RALGPS1: variants seen among roughly 807,000 people sequenced by gnomAD.
RALGPS1 encodes the protein Ral GEF with PH domain and SH3 binding motif 1.
In RALGPS1, 19 loss-of-function variants were observed where a neutral mutation model predicts 78.8. The observed-to-expected ratio is 0.24, with a 90% CI of 0.17 to 0.35. The LOEUF (loss-of-function observed/expected upper bound fraction) is 0.35. Ranked by LOEUF, RALGPS1 falls within the 10% of genes least tolerant of loss-of-function variation. The pLI, the probability that RALGPS1 is intolerant of heterozygous loss-of-function variation, is 1.00. For missense variants in RALGPS1, 454 were observed against 688.3 expected, an observed-to-expected ratio of 0.66 and a Z score of 3.81; for synonymous variants, 228 against 256.3, an observed-to-expected ratio of 0.89 and a Z score of 1.06.
At chr9:127,063,065 C>T (rs2049359893) in intron 7 of RALGPS1, among the ~76,000 whole-genome samples, 1 of 152,178 alleles carries the variant, frequency 6.6e-6, no homozygotes, top group Non-Finnish European at 1.5e-5. Context: ...GAGCAACAGT[C>T]TCTTTGCTAA....
Position 127,011,246 on chromosome 9 carries a change from C to T in RALGPS1, c.217-23185C>T, listed in dbSNP as rs1037949036. On this transcript the variant is annotated intron_variant, in intron 4 of 18. Transcript: ENST00000259351. ...AGGCTGGAGTGCAGTGGCGTGACCT[C>T]GGCTCACTGCAACCTCTGGCTCCTG... Among the ~76,000 whole-genome samples the T allele has an allele frequency of 3.9e-5, 6 of 152,120 alleles. No individual in the cohort carries two copies. The South Asian group carries it at 8.3e-4, about 21-fold the overall frequency.
rs1413481343 is a variant in RALGPS1, at chr9:127,091,422, C to A, written c.610+22066C>A. On this transcript the variant is annotated intron_variant, in intron 8 of 18. Coordinates refer to ENST00000259351, the MANE Select transcript of RALGPS1 (RefSeq NM_014636.3). This position sits in a 1 kb window ranked among gnomAD's most constrained non-coding sequence, Gnocchi z 4.3. ...GCCCTGGTACGTGTGATTTGTATACCTCTTTATGTCTCGCCCCATCCCATT... is the reference window on the plus strand; with the variant it reads ...GCCCTGGTACGTGTGATTTGTATACATCTTTATGTCTCGCCCCATCCCATT... 6.6e-6 allele frequency among the ~76,000 whole-genome samples: 1 copy of A among 152,198 alleles called. No individual in the cohort carries two copies. Among genetic ancestry groups the A allele is most frequent in the Non-Finnish European group, 1.5e-5 (1 of 68,030 alleles).
intron 4 of RALGPS1, among the ~76,000 whole-genome samples, chr9:126,993,425 T>G (rs2042445680): frequency 6.6e-6 from 1 of 152,202 alleles, no homozygotes. Flanking sequence ...TCCTTCCTTT[T>G]CAATTTTCAA....
Position 127,154,237 on chromosome 9 carries a change from G to A in RALGPS1, c.611-11832G>A, listed in dbSNP as rs539835225. On this transcript the variant is annotated intron_variant, in intron 8 of 18. Transcript: ENST00000259351. ...GACCAGGGCGTTAGGGCTGCAAGAG[G>A]CAGGGCTGCTGCTGGGCCAGCTGGA... 4.2e-4 allele frequency among the ~76,000 whole-genome samples: 63 copies of A among 148,508 alleles called. 1 individual carries two copies. In the South Asian group the frequency reaches 0.014, roughly 33 times the overall value.
chr9:127,160,207 T>C (rs2058942483), intron 8 of RALGPS1, among the ~76,000 whole-genome samples: 1 of 151,980 alleles, frequency 6.6e-6, no homozygotes, highest in Non-Finnish European at 1.5e-5. Context: ...GGCCATCGAG[T>C]ATGGGTGTCC....
chr9:127,212,864 C>T lies in RALGPS1; in HGVS notation c.1447-80C>T. On this transcript the variant is annotated intron_variant, in intron 16 of 18. Transcript: ENST00000259351. The surrounding 1 kb of genome is among the most constrained non-coding windows in gnomAD (Gnocchi z 6.0). ...GAAGGCGGCAGGGGAGGGAGGAAGC[C>T]TTGCCTGGCCCACGTCGGCCTCCCT... The T allele has an allele frequency of 1.2e-6, 2 of 1,601,310 alleles. No individual in the cohort carries two copies. Among genetic ancestry groups the T allele is most frequent in the East Asian group, 4.5e-5 (2 of 44,332 alleles).
intron 8 of RALGPS1, among the ~76,000 whole-genome samples, chr9:127,104,914 G>A (rs930005142): frequency 4.6e-5 from 7 of 152,228 alleles, no homozygotes; most frequent in Non-Finnish European, 1.5e-5. Context: ...TGTCTTCCAG[G>A]ATAAGAACCT....
rs187014539 is a variant in RALGPS1 at position 127,146,501 on chromosome 9, T to G, written c.611-19568T>G. 2.4e-3 allele frequency among the ~76,000 whole-genome samples: 360 copies of G among 152,162 alleles called. 3 individuals carry two copies. The highest frequency in any genetic ancestry group is 8.3e-3 in the African/African-American group (343 of 41,508). ...ACCTGGGTTGATTCCATGTTTTTGC[T>G]ATTGTGAATAGCGCAGTGATGAACA... On this transcript the variant is annotated intron_variant, in intron 8 of 18. Transcript: ENST00000259351.
chr9:127,129,823 G>A (rs1401176049), intron 8 of RALGPS1, among the ~76,000 whole-genome samples: 2 of 152,174 alleles, frequency 1.3e-5, no homozygotes, highest in Non-Finnish European at 2.9e-5. Flanking sequence ...TCCCTGGGCT[G>A]GGCTGGGTAA....
chr9:127,013,309 G>C (rs1164834046), intron 4 of RALGPS1, among the ~76,000 whole-genome samples: 1 of 152,182 alleles, frequency 6.6e-6, no homozygotes, highest in Non-Finnish European at 1.5e-5. Flanking sequence ...TTTGGGAGCT[G>C]TGCTTCCTTC....
At chr9:127,148,696 G>A (rs529508800) in intron 8 of RALGPS1, among the ~76,000 whole-genome samples, 1 of 152,300 alleles carries the variant, frequency 6.6e-6, no homozygotes, top group Non-Finnish European at 1.5e-5. Context: ...CCAGAGAGTA[G>A]GGAGGGCTCC....
chr9:126,969,963 C>T (rs1369054180), intron 3 of RALGPS1, among the ~76,000 whole-genome samples: 4 of 152,174 alleles, frequency 2.6e-5, no homozygotes, highest in Admixed American at 1.3e-4. Context: ...TCTGGGAAAG[C>T]ACTGGAGTGC....
chr9:126,999,584 G>A (rs2043103440), intron 4 of RALGPS1, among the ~76,000 whole-genome samples: 1 of 152,096 alleles, frequency 6.6e-6, no homozygotes, highest in Admixed American at 6.6e-5. Flanking sequence ...ATAGTATGTA[G>A]CCTTTTCAGA....
intron 5 of RALGPS1, among the ~76,000 whole-genome samples, chr9:127,043,849 A>T (rs533877557): frequency 6.6e-6 from 1 of 152,356 alleles, no homozygotes; most frequent in Admixed American, 6.5e-5. Context: ...CAAGATGCTC[A>T]ACATTATTTG....
Position 127,196,492 on chromosome 9 carries a change from T to C in RALGPS1, c.1056T>C (p.Ser352=), listed in dbSNP as rs1258599858. Residue 352 remains serine, a synonymous_variant, in exon 13 of 19, where the codon AGT becomes AGC. Transcript: ENST00000259351. ...SLGNNMMCQL[S]VVESKSATFP... ...TTTCCAGTATGATGTGTCAGTTGAG[T>C]GTAGTTGAGAGTAAAAGTGCGACAT... is the stretch of plus-strand genomic sequence containing the variant. 1.2e-6 allele frequency: 2 copies of C among 1,613,466 alleles called. No homozygotes were observed. The highest frequency in any genetic ancestry group is 1.7e-6 in the Non-Finnish European group (2 of 1,179,716).
intron 4 of RALGPS1, among the ~76,000 whole-genome samples, chr9:127,032,788 G>C (rs1412453978): frequency 1.3e-5 from 2 of 152,078 alleles, no homozygotes; most frequent in Non-Finnish European, 2.9e-5. Flanking sequence ...CCAGGAATTT[G>C]AGACCAGCCT....
chr9:126,947,725 G>A (rs530148661), intron 1 of RALGPS1, among the ~76,000 whole-genome samples: 3 of 152,244 alleles, frequency 2.0e-5, no homozygotes, highest in African/African-American at 4.8e-5. Context: ...CTCCTATCAA[G>A]CCTGCACTGC....
At chr9:127,096,366 T>C (rs898970848) in intron 8 of RALGPS1, among the ~76,000 whole-genome samples, 2 of 152,170 alleles carry the variant, frequency 1.3e-5, no homozygotes, top group African/African-American at 4.8e-5. Flanking sequence ...GGCCGTTCGA[T>C]GTGAATGCTG....
At chr9:127,071,433 AC>A (rs962813897) in intron 8 of RALGPS1, among the ~76,000 whole-genome samples, 5 of 152,202 alleles carry the variant, frequency 3.3e-5, no homozygotes, top group African/African-American at 1.2e-4. Flanking sequence ...TCTTAGTGAT[AC>A]ATAAAAAAAG....
Sources: gnomAD v4.1 joint callset for allele counts (sites outside exome capture counted in the v4.1 genomes callset) on GRCh38, gnomAD v4.1.1 for gene constraint, Gnocchi (gnomAD v3.1) non-coding constraint, MANE v1.5 for transcripts, NCBI Gene and HGNC (gene_info 2026-07-23, HGNC 2026-07-21) for gene names.